PCMTD1: variants seen among roughly 807,000 people sequenced by gnomAD.
The protein encoded by PCMTD1 is protein-L-isoaspartate O-methyltransferase domain-containing protein 1.
PCMTD1 carries 12 observed loss-of-function variants against 37.6 expected under a neutral mutation model. The observed-to-expected ratio is 0.32, with a 90% CI of 0.20 to 0.52. The LOEUF is 0.52. Among genes scored for constraint, PCMTD1 ranks in the 20% least tolerant of loss-of-function variants. The pLI, the probability that PCMTD1 is intolerant of heterozygous loss-of-function variation, is 0.97. For synonymous variants in PCMTD1, 117 were observed against 135.8 expected (o/e 0.86, Z 0.96); for missense variants, 235 against 421.3 (o/e 0.56, Z 3.87).
intron 1 of PCMTD1, among the ~76,000 whole-genome samples, chr8:51,864,051 AC>A (rs1215774594): frequency 1.2e-3 from 187 of 152,318 alleles, no homozygotes; most frequent in Middle Eastern, 6.8e-3. Flanking sequence ...TAGCCTTAGG[AC>A]ACACACAGAC....
chr8:51,895,885 A>G (rs1458233876), intron 1 of PCMTD1: 2 of 151,636 alleles, frequency 1.3e-5, no homozygotes, highest in African/African-American at 4.8e-5. Flanking sequence ...GTTTCTTCTC[A>G]AATACAGATT....
At chr8:51,896,905 G>T in intron 1 of PCMTD1, among the ~76,000 whole-genome samples, 1 of 150,486 alleles carries the variant, frequency 6.6e-6, no homozygotes, top group African/African-American at 2.4e-5. Flanking sequence ...AAAAGCAATG[G>T]GATCTTGAGC....
intron 1 of PCMTD1, among the ~76,000 whole-genome samples, chr8:51,863,906 G>A (rs1338884703): frequency 6.8e-6 from 1 of 146,572 alleles, no homozygotes; most frequent in Non-Finnish European, 1.5e-5. Context: ...CAGTCTGGGC[G>A]ACAGTGAGAT....
At chr8:51,837,005 C>T (rs963031738) in intron 3 of PCMTD1, among the ~76,000 whole-genome samples, 1 of 152,218 alleles carries the variant, frequency 6.6e-6, no homozygotes, top group Admixed American at 6.5e-5. Context: ...AAAACAAACT[C>T]TTACCTCTAA....
chr8:51,865,241 G>A (rs780618149), intron 1 of PCMTD1, among the ~76,000 whole-genome samples: 8 of 151,988 alleles, frequency 5.3e-5, no homozygotes, highest in Non-Finnish European at 1.2e-4. Flanking sequence ...GTGGAATTAC[G>A]CCAAACATTT....
Position 51,833,591 on chromosome 8 carries a change from T to C in PCMTD1, c.509A>G (p.Gln170Arg), listed in dbSNP as rs748323311. 3.1e-6 allele frequency: 5 copies of C among 1,612,916 alleles called. No individual in the cohort carries two copies. The highest frequency in any genetic ancestry group is 4.2e-6 in the Non-Finnish European group (5 of 1,179,470). Residue 170 changes from glutamine (Q) to arginine (R), a missense_variant, in exon 4 of 6, where the codon CAG becomes CGG. Around this residue, in one of 3 missense-constraint regions of PCMTD1, gnomAD observed 183 missense variants for 349.3 expected, o/e 0.52. Transcript: ENST00000522514. ...TTTCATGTAGTTTTCATGGTCTTTC[T>C]GCACTCCAGCTCCACAATAAATTCG... Reference protein sequence around the residue: ...YDRIYCGAGVQKDHENYMKIL... With the variant: ...YDRIYCGAGVRKDHENYMKIL...
chr8:51,874,429 G>A (rs930823409), intron 1 of PCMTD1, among the ~76,000 whole-genome samples: 20 of 102,432 alleles, frequency 2.0e-4, no homozygotes, highest in African/African-American at 4.8e-4. Context: ...GAATTTCAAA[G>A]AATGGTTTCA....
At chr8:51,898,083 A>G (rs1243164695) in intron 1 of PCMTD1, among the ~76,000 whole-genome samples, 1 of 152,174 alleles carries the variant, frequency 6.6e-6, no homozygotes, top group Non-Finnish European at 1.5e-5. Context: ...CTCAAGGAGC[A>G]AGCAGTACTT....
intron 1 of PCMTD1, among the ~76,000 whole-genome samples, chr8:51,892,990 A>G (rs1023993166): frequency 3.3e-5 from 5 of 152,246 alleles, no homozygotes; most frequent in Admixed American, 3.3e-4. Context: ...GTGATATATT[A>G]ACTATTTTTA....
At chr8:51,833,958 T>C (rs979071370) in intron 3 of PCMTD1, among the ~76,000 whole-genome samples, 19 of 152,054 alleles carry the variant, frequency 1.2e-4, no homozygotes, top group African/African-American at 4.6e-4. Context: ...CAGAAGTAAA[T>C]ATAATGAAAA....
chr8:51,868,362 A>T (rs1036161135), intron 1 of PCMTD1, among the ~76,000 whole-genome samples: 4 of 152,154 alleles, frequency 2.6e-5, no homozygotes, highest in African/African-American at 9.6e-5. Context: ...AAAAAGGAAA[A>T]GCAGCATCTT....
chr8:51,884,963 C>G (rs1346848289), intron 1 of PCMTD1, among the ~76,000 whole-genome samples: 1 of 152,158 alleles, frequency 6.6e-6, no homozygotes, highest in Non-Finnish European at 1.5e-5. Context: ...TCCTGTAGCA[C>G]TCTCTGTACT....
chr8:51,876,547 G>A (rs1161284414), intron 1 of PCMTD1, among the ~76,000 whole-genome samples: 1 of 152,086 alleles, frequency 6.6e-6, no homozygotes. Context: ...TGTTCTCCTA[G>A]CCAAAGAAAA....
At chr8:51,862,182 A>G (rs1287041552) in intron 1 of PCMTD1, among the ~76,000 whole-genome samples, 1 of 152,260 alleles carries the variant, frequency 6.6e-6, no homozygotes, top group Non-Finnish European at 1.5e-5. Context: ...AACACACAGA[A>G]TAACATATTA....
At chr8:51,871,140 A>T (rs184410400) in intron 1 of PCMTD1, among the ~76,000 whole-genome samples, 1 of 152,204 alleles carries the variant, frequency 6.6e-6, no homozygotes, top group Non-Finnish European at 1.5e-5. Context: ...GGAAACAAAA[A>T]AACACTGCTT....
Position 51,820,572 on chromosome 8 carries a change from T to C in PCMTD1, c.853A>G (p.Ile285Val), listed in dbSNP as rs544083521. ...KRKRKRVKQR[I>V]NTYVFVGNQL... is the part of the protein sequence containing the mutation. ...TTACCCACAAATACGTAAGTGTTAA[T>C]TCTCTGTTTAACTCTCTTTCTTTTC... The change falls in exon 6 of 6, where the codon ATT becomes GTT. Residue 285 changes from isoleucine to valine, a missense_variant. By Grantham distance (29) the Ile-to-Val change is conservative. Transcript: ENST00000522514. 9.3e-6 allele frequency: 15 copies of C among 1,612,910 alleles called. No homozygotes were observed. In the African/African-American group the frequency reaches 1.6e-4, roughly 17 times the overall value.
chr8:51,877,857 A>G (rs1425973378), intron 1 of PCMTD1, among the ~76,000 whole-genome samples: 2 of 152,222 alleles, frequency 1.3e-5, no homozygotes, highest in African/African-American at 2.4e-5. Flanking sequence ...CCTGATTTTA[A>G]TAACTATACT....
At position 51,823,869 on chromosome 8, in the gene PCMTD1, T is replaced by C. The variant is rs547769791; in HGVS notation, c.707-3151A>G. Among the ~76,000 whole-genome samples the C allele has an allele frequency of 8.9e-4, 135 of 152,312 alleles. 1 individual carries two copies. The highest frequency in any genetic ancestry group is 3.2e-3 in the African/African-American group (131 of 41,574). On this transcript the variant is annotated intron_variant, in intron 5 of 5. Coordinates refer to ENST00000522514, the MANE Select transcript of PCMTD1 (RefSeq NM_052937.4). Reference sequence around the variant, plus strand: ...ACCACAATCAAGTCTGCTTCATCCCTGGGATGCAAGGATGATTCAACATAT... The same window carrying C: ...ACCACAATCAAGTCTGCTTCATCCCCGGGATGCAAGGATGATTCAACATAT...
intron 2 of PCMTD1, 139 bp downstream of exon 2, chr8:51,860,706 A>T: frequency 1.4e-6 from 1 of 710,806 alleles, no homozygotes; most frequent in Non-Finnish European, 2.2e-6. Context: ...TTGTGTTTTC[A>T]CATCTAAGTA....
Sources: allele counts gnomAD v4.1 joint callset (sites outside exome capture counted in the v4.1 genomes callset), GRCh38; gene constraint gnomAD v4.1.1; regional missense constraint gnomAD v4.1.1; transcripts MANE v1.5; gene names NCBI Gene and HGNC (gene_info 2026-07-23, HGNC 2026-07-21).